The following RTF2 variants were observed in gnomAD, a reference collection of about 807,000 sequenced individuals.
The protein encoded by RTF2 is UPF0549 protein C20orf43.
In RTF2, 18 loss-of-function variants were observed where a neutral mutation model predicts 38.0. The observed-to-expected ratio is 0.47, with a 90% CI of 0.33 to 0.70. The LOEUF is 0.70. Ranked by LOEUF, RTF2 falls within the 30% of genes least tolerant of loss-of-function variation. The pLI is 0.02. For synonymous variants in RTF2, 126 were observed against 137.1 expected (o/e 0.92, Z 0.57); for missense variants, 311 against 379.6 (o/e 0.82, Z 1.50).
intron 5 of RTF2, chr20:56,495,287 A>G: frequency 1.9e-6 from 3 of 1,551,316 alleles, no homozygotes; most frequent in South Asian, 2.4e-5. Context: ...TTGGTGTAGC[A>G]CCTGGAGCAT....
chr20:56,499,738 C>G (rs1351451361), intron 5 of RTF2, among the ~76,000 whole-genome samples: 1 of 149,912 alleles, frequency 6.7e-6, no homozygotes, highest in Admixed American at 6.6e-5. Flanking sequence ...TTCTGTTGTC[C>G]TTTTATTTTG....
At chr20:56,503,312 C>T (rs1446965323) in intron 5 of RTF2, among the ~76,000 whole-genome samples, 1 of 152,182 alleles carries the variant, frequency 6.6e-6, no homozygotes, top group Non-Finnish European at 1.5e-5. Context: ...ATTCCTAAAA[C>T]ATGTATAAAT....
At chr20:56,485,885 G>A (rs767393324) in intron 5 of RTF2, among the ~76,000 whole-genome samples, 1 of 152,188 alleles carries the variant, frequency 6.6e-6, no homozygotes, top group South Asian at 2.1e-4. Context: ...GCTTTTTGAG[G>A]CCAGGTACCA....
intron 6 of RTF2, 112 bp from the exon 7 acceptor site, chr20:56,516,821 CAT>C (rs1985069615): frequency 2.3e-6 from 2 of 870,692 alleles, no homozygotes; most frequent in Non-Finnish European, 1.9e-6. Flanking sequence ...CTGTCTGTCT[CAT>C]GTGACTAGCA....
chr20:56,484,187 A>G lies in RTF2; in HGVS notation c.475A>G (p.Thr159Ala), dbSNP rs6024909. Residue 159 changes from threonine (T) to alanine (A), a missense_variant and splice_region_variant, in exon 5 of 9, where the codon ACG (threonine) becomes GCG (alanine). Thr to Ala is a moderately conservative substitution (Grantham distance 58). Transcript: ENST00000357348. ...AGAGATAAAAGCGGAAGTTTGCCAC[A>G]CGGTGAGTTCCTGACATGTACCATT... ...LKEIKAEVCH[T>A]CGAAFQEDDV... is the part of the protein sequence containing the mutation. The G allele has an allele frequency of 6.2e-7, 1 of 1,612,874 alleles. No individual in the cohort carries two copies. Among genetic ancestry groups the G allele is most frequent in the Admixed American group, 1.7e-5 (1 of 60,030 alleles).
At chr20:56,509,465 T>C (rs1470936257) in intron 5 of RTF2, among the ~76,000 whole-genome samples, 1 of 151,906 alleles carries the variant, frequency 6.6e-6, no homozygotes, top group African/African-American at 2.4e-5. Context: ...ATACAAAAAT[T>C]AGCTGGGCAT....
intron 5 of RTF2, among the ~76,000 whole-genome samples, chr20:56,494,960 G>A (rs184985771): frequency 2.6e-5 from 4 of 151,994 alleles, no homozygotes; most frequent in African/African-American, 7.2e-5. Context: ...TGGTGCAGAG[G>A]GTATATTTAC....
intron 5 of RTF2, among the ~76,000 whole-genome samples, chr20:56,486,995 A>G (rs187249162): frequency 1.3e-5 from 2 of 152,308 alleles, no homozygotes; most frequent in East Asian, 1.9e-4. Flanking sequence ...CGAATGCCAG[A>G]AGGAGGAGCA....
intron 3 of RTF2, among the ~76,000 whole-genome samples, chr20:56,476,115 C>A (rs1206504172): frequency 1.3e-5 from 2 of 152,166 alleles, no homozygotes; most frequent in Admixed American, 1.3e-4. Flanking sequence ...TATCAAATTC[C>A]TTATAAAGTT....
intron 3 of RTF2, among the ~76,000 whole-genome samples, chr20:56,476,272 T>TA (rs1173853569): frequency 6.6e-6 from 1 of 152,192 alleles, no homozygotes; most frequent in Non-Finnish European, 1.5e-5. Context: ...TTTTGCTTTT[T>TA]TCAACGATTA....
intron 5 of RTF2, among the ~76,000 whole-genome samples, chr20:56,511,447 T>C (rs534501650): frequency 2.7e-4 from 41 of 152,308 alleles, no homozygotes; most frequent in African/African-American, 8.7e-4. Flanking sequence ...AAGATTGTCT[T>C]CCATGAGACT....
At chr20:56,487,413 T>A (rs1982852065) in intron 5 of RTF2, among the ~76,000 whole-genome samples, 1 of 152,108 alleles carries the variant, frequency 6.6e-6, no homozygotes, top group Non-Finnish European at 1.5e-5. Context: ...CAAGGGACAG[T>A]AGAGACCAGG....
At chr20:56,475,807 T>C (rs1307032783) in intron 3 of RTF2, among the ~76,000 whole-genome samples, 2 of 152,208 alleles carry the variant, frequency 1.3e-5, no homozygotes, top group African/African-American at 2.4e-5. Flanking sequence ...ACTTGTAATA[T>C]TCAGTTTTAT....
intron 5 of RTF2, among the ~76,000 whole-genome samples, chr20:56,490,204 T>C (rs1162463842): frequency 1.3e-5 from 2 of 152,228 alleles, no homozygotes; most frequent in Non-Finnish European, 2.9e-5. Context: ...GAAGCTTCCA[T>C]TTACTGAGGT....
intron 5 of RTF2, chr20:56,495,270 C>A: frequency 6.4e-7 from 1 of 1,551,512 alleles, no homozygotes. Context: ...TCCTTCCCAG[C>A]CAGCGTTTGG....
chr20:56,470,883 T>C, intron 1 of RTF2: 3 of 279,076 alleles, frequency 1.1e-5, no homozygotes, highest in Non-Finnish European at 1.5e-5. Flanking sequence ...TCCAGATTAC[T>C]TCTTTATCTG....
At chr20:56,494,683 C>T (rs1355271903) in intron 5 of RTF2, among the ~76,000 whole-genome samples, 1 of 152,230 alleles carries the variant, frequency 6.6e-6, no homozygotes, top group Non-Finnish European at 1.5e-5. Context: ...TGGCTGTGCA[C>T]ATTGGCAGCA....
chr20:56,483,341 CTT>C (rs11376576), intron 4 of RTF2, among the ~76,000 whole-genome samples: 4 of 146,540 alleles, frequency 2.7e-5, no homozygotes, highest in Non-Finnish European at 4.5e-5. Flanking sequence ...CTTTCAATCT[CTT>C]TTTTTTTTTT....
intron 1 of RTF2, among the ~76,000 whole-genome samples, chr20:56,469,515 C>A (rs1981851760): frequency 6.6e-6 from 1 of 152,158 alleles, no homozygotes; most frequent in Non-Finnish European, 1.5e-5. Context: ...GATTCCCATC[C>A]ACTTATTTGG....
Sources: gnomAD v4.1 joint callset for allele counts (sites outside exome capture counted in the v4.1 genomes callset) on GRCh38, gnomAD v4.1.1 for gene constraint, MANE v1.5 for transcripts, NCBI Gene and HGNC (gene_info 2026-07-23, HGNC 2026-07-21) for gene names.